The following PIK3C2B variants were observed in gnomAD, a reference collection of about 807,000 sequenced individuals.
PIK3C2B encodes the protein phosphatidylinositol 4-phosphate 3-kinase C2 domain-containing subunit beta.
In PIK3C2B, 83 loss-of-function variants were observed where a neutral mutation model predicts 184.3. The observed-to-expected ratio is 0.45, with a 90% CI of 0.38 to 0.54. The LOEUF is 0.54. PIK3C2B is among the 20% of genes least tolerant of loss of function. PIK3C2B has a pLI of 0.00. For synonymous variants in PIK3C2B, 779 were observed against 837.6 expected, an observed-to-expected ratio of 0.93 and a Z score of 1.21; for missense variants, 1,736 against 2,113.5, an observed-to-expected ratio of 0.82 and a Z score of 3.50.
rs1478444184 is a variant in PIK3C2B at position 204,468,919 on chromosome 1, T to C, written c.884A>G (p.Asn295Ser). Residue 295 changes from asparagine to serine, a missense_variant, in exon 2 of 33, where the codon AAC becomes AGC. Asn to Ser is a conservative substitution (Grantham distance 46). Transcript: ENST00000684373. The part of the protein sequence containing the change: ...PPRTYASRYG[N>S]RKNATPGKNR... ...CTTGCCAGGCGTCGCATTCTTTCGG[T>C]TGCCATAGCGGGAGGCATAGGTGCG... 6.2e-7 allele frequency: 1 copy of C among 1,605,244 alleles called. No homozygotes were observed. Among genetic ancestry groups the C allele is most frequent in the Non-Finnish European group, 8.5e-7 (1 of 1,174,770 alleles).
chr1:204,457,922 T>C (rs1252692069), intron 8 of PIK3C2B, 48 bp from the exon 9 acceptor site: 13 of 1,586,022 alleles, frequency 8.2e-6, no homozygotes, highest in Middle Eastern at 2.1e-4. Flanking sequence ...TCTCATGCTC[T>C]TGGTCTCCAA....
At chr1:204,483,862 G>A (rs957691696) in intron 1 of PIK3C2B, among the ~76,000 whole-genome samples, 15 of 152,130 alleles carry the variant, frequency 9.9e-5, no homozygotes, top group Admixed American at 7.9e-4. Flanking sequence ...TGTGACCCTC[G>A]CCCAGTGTCT....
intron 5 of PIK3C2B, among the ~76,000 whole-genome samples, chr1:204,463,630 T>C (rs1472007214): frequency 6.6e-6 from 1 of 152,156 alleles, no homozygotes; most frequent in East Asian, 1.9e-4. Flanking sequence ...GTCCTCATTT[T>C]GCCCCAGCCA....
chr1:204,437,706 C>G (rs1287003383), intron 23 of PIK3C2B, among the ~76,000 whole-genome samples: 6 of 152,136 alleles, frequency 3.9e-5, no homozygotes, highest in Non-Finnish European at 7.3e-5. Context: ...AGGGAAGCAT[C>G]AGGAAGACCG....
intron 1 of PIK3C2B, among the ~76,000 whole-genome samples, chr1:204,481,895 G>T (rs1356314643): frequency 2.0e-5 from 3 of 152,200 alleles, no homozygotes; most frequent in Non-Finnish European, 4.4e-5. Context: ...TTTTCAAGCA[G>T]TTCCAGTCTT....
At chr1:204,450,722 TA>T (rs1654278106) in intron 12 of PIK3C2B, among the ~76,000 whole-genome samples, 1 of 152,128 alleles carries the variant, frequency 6.6e-6, no homozygotes, top group South Asian at 2.1e-4. Context: ...TTCAAGCCCA[TA>T]AGTTCTCTCC....
At chr1:204,442,988 T>C (rs1572312424) in intron 19 of PIK3C2B, among the ~76,000 whole-genome samples, 1 of 152,232 alleles carries the variant, frequency 6.6e-6, no homozygotes, top group African/African-American at 2.4e-5. Context: ...TTTTTAAATG[T>C]CGTTAACCAG....
At chr1:204,484,570 T>C (rs1657440585) in intron 1 of PIK3C2B, among the ~76,000 whole-genome samples, 1 of 152,060 alleles carries the variant, frequency 6.6e-6, no homozygotes, top group Admixed American at 6.6e-5. Context: ...CCGTCCCTAC[T>C]AAAAATACTA....
chr1:204,472,145 A>T (rs1252342563), intron 1 of PIK3C2B, among the ~76,000 whole-genome samples: 1 of 148,162 alleles, frequency 6.7e-6, no homozygotes, highest in South Asian at 2.2e-4. Flanking sequence ...CCCAGCTGCA[A>T]CATTAGCAAC....
Position 204,469,491 on chromosome 1 carries a change from G to T in PIK3C2B, c.312C>A (p.Asn104Lys), listed in dbSNP as rs145435409. The T allele has an allele frequency of 3.6e-5, 58 of 1,607,440 alleles. No individual in the cohort carries two copies. Among genetic ancestry groups the T allele is most frequent in the Non-Finnish European group, 4.6e-5 (54 of 1,176,684 alleles). ...GCTGTGGCCCTTGGGAGGTAGAGTGGTTGGGCGGCCCTTCCTGTGGGGAGA... is the reference window on the plus strand; with the variant it reads ...GCTGTGGCCCTTGGGAGGTAGAGTGTTTGGGCGGCCCTTCCTGTGGGGAGA... ...NSLSPQEGPP[N>K]HSTSQGPQPG... is the part of the protein sequence containing the mutation. Residue 104 changes from asparagine (N) to lysine (K), a missense_variant, in exon 2 of 33, where the codon AAC (asparagine) becomes AAA (lysine). This residue lies in a region of PIK3C2B where 404 missense variants were observed against 418.0 expected (regional missense o/e 0.97). Coordinates refer to ENST00000684373, the MANE Select transcript of PIK3C2B (RefSeq NM_001377334.1).
Position 204,424,781 on chromosome 1 carries a change from C to A in PIK3C2B, c.*71G>T. The A allele has an allele frequency of 1.3e-6, 2 of 1,505,312 alleles. No individual in the cohort carries two copies. Among genetic ancestry groups the A allele is most frequent in the South Asian group, 2.3e-5 (2 of 88,780 alleles). The allele number at this position is 1,505,312 out of a possible 1,614,324, so 93.2% of individuals were successfully genotyped here. A position where few individuals can be genotyped will look rare whatever the true frequency, so the allele number is the denominator to read the frequency against. On this transcript the variant is annotated 3_prime_UTR_variant, in exon 33 of 33. Coordinates refer to ENST00000684373, the MANE Select transcript of PIK3C2B (RefSeq NM_001377334.1). ...GCCCTGGCCCTTCACAAGGAGGAGT[C>A]TCACAGGGGAGAGTCCTCTCCCCCA... is the stretch of plus-strand genomic sequence containing the variant.
intron 5 of PIK3C2B, among the ~76,000 whole-genome samples, chr1:204,462,707 C>T (rs1416163740): frequency 2.0e-5 from 3 of 152,098 alleles, no homozygotes; most frequent in Non-Finnish European, 2.9e-5. Context: ...CCCTTAGCTT[C>T]GAGATGAGGA....
intron 1 of PIK3C2B, among the ~76,000 whole-genome samples, chr1:204,491,574 T>C (rs1005003729): frequency 6.6e-5 from 10 of 151,928 alleles, no homozygotes; most frequent in South Asian, 4.2e-4. Context: ...ATGCCTATAG[T>C]CCAAGCTACT....
chr1:204,454,636 G>A, intron 12 of PIK3C2B, 33 bp downstream of exon 12: 1 of 1,610,110 alleles, frequency 6.2e-7, no homozygotes, highest in African/African-American at 1.3e-5. Context: ...GTCTACAGTG[G>A]CCTGGGCACT....
At chr1:204,436,257 TG>T (rs1289765484) in intron 23 of PIK3C2B, among the ~76,000 whole-genome samples, 10 of 151,882 alleles carry the variant, frequency 6.6e-5, no homozygotes, top group Admixed American at 6.6e-4. Context: ...TTGCTGGGGG[TG>T]GTGGCTCATG....
chr1:204,479,423 A>C (rs1656958550), intron 1 of PIK3C2B, among the ~76,000 whole-genome samples: 1 of 151,874 alleles, frequency 6.6e-6, no homozygotes, highest in Admixed American at 6.6e-5. Context: ...CTTGGCCTCC[A>C]GCTGAGGAGA....
chr1:204,468,749 G>T (rs1001549373), intron 2 of PIK3C2B, 121 bp downstream of exon 2: 5 of 876,520 alleles, frequency 5.7e-6, no homozygotes, highest in Non-Finnish European at 6.9e-6. Flanking sequence ...TCCCAAAGAG[G>T]GTAGGAGAGG....
At chr1:204,425,542 A>AT in intron 32 of PIK3C2B, 71 bp downstream of exon 32, 1 of 1,529,278 alleles carries the variant, frequency 6.5e-7, no homozygotes, top group Non-Finnish European at 9.1e-7. Context: ...ACGTTCTTCA[A>AT]TACGACTTTA....
At chr1:204,440,081 T>TCTTG in intron 22 of PIK3C2B, 111 bp downstream of exon 22, 1 of 1,122,260 alleles carries the variant, frequency 8.9e-7, no homozygotes, top group Non-Finnish European at 1.3e-6. Context: ...CATGAAATAA[T>TCTTG]CTTGCCCTTT....
Sources: allele counts gnomAD v4.1 joint callset (sites outside exome capture counted in the v4.1 genomes callset), GRCh38; gene constraint gnomAD v4.1.1; regional missense constraint gnomAD v4.1.1; transcripts MANE v1.5; gene names NCBI Gene and HGNC (gene_info 2026-07-23, HGNC 2026-07-21).